Variants in LHPP observed in about 807,000 individuals in gnomAD.
The protein encoded by LHPP is hLHPP.
Under a neutral mutation model 30.3 loss-of-function variants are expected in LHPP, and 24 were observed. That is an observed-to-expected ratio of 0.79 (90% CI 0.57 to 1.11). The LOEUF is 1.11. Ranked by LOEUF, LHPP falls within the 50% of genes most tolerant of loss-of-function variation. LHPP has a pLI of 0.00. For missense variants in LHPP, 356 were observed against 367.2 expected (o/e 0.97, Z 0.25); for synonymous variants, 150 against 157.1 (o/e 0.95, Z 0.34).
chr10:124,490,851 A>C (rs904790850), intron 3 of LHPP, among the ~76,000 whole-genome samples: 1 of 152,154 alleles, frequency 6.6e-6, no homozygotes, highest in African/African-American at 2.4e-5. Context: ...CACAACCTAG[A>C]GTTCTGGAAT....
chr10:124,529,046 T>A (rs113897842), intron 6 of LHPP, among the ~76,000 whole-genome samples: 1 of 108,166 alleles, frequency 9.2e-6, no homozygotes, highest in Non-Finnish European at 1.8e-5. Context: ...TTTTTTTTTT[T>A]TTTGAGACAG....
At chr10:124,603,056 T>TG (rs147092753) in intron 6 of LHPP, among the ~76,000 whole-genome samples, 89,452 of 151,992 alleles carry the variant, frequency 0.59, 26,496 homozygotes, top group East Asian at 0.68. Flanking sequence ...GTACTGGGGC[T>TG]GGGCCAGGCC....
rs180847169 is a variant in LHPP, at chr10:124,541,478, G to A, written c.716+24207G>A. ...AGCCTCTGCTAGCCCCAGACCTAAC[G>A]GAGTTGCGGCTCATGGCCACCCTGA... On this transcript the variant is annotated intron_variant, in intron 6 of 6. Transcript: ENST00000368842. This position sits in a 1 kb window ranked among gnomAD's most constrained non-coding sequence, Gnocchi z 4.2. 8.5e-5 allele frequency among the ~76,000 whole-genome samples: 13 copies of A among 152,262 alleles called. No individual in the cohort carries two copies. In the East Asian group the frequency reaches 2.5e-3, roughly 29 times the overall value.
At chr10:124,483,981 A>G (rs1953230853) in intron 1 of LHPP, among the ~76,000 whole-genome samples, 158 bp from the exon 2 acceptor site, 1 of 152,062 alleles carries the variant, frequency 6.6e-6, no homozygotes, top group African/African-American at 2.4e-5. Flanking sequence ...TCCCAGCCTG[A>G]ACACATCCTG....
At chr10:124,527,144 C>G (rs911604539) in intron 6 of LHPP, among the ~76,000 whole-genome samples, 1 of 152,252 alleles carries the variant, frequency 6.6e-6, no homozygotes, top group Non-Finnish European at 1.5e-5. Context: ...CGCTGCTGCT[C>G]TGCGGCTCGG....
At chr10:124,529,784 A>G (rs4391774) in intron 6 of LHPP, among the ~76,000 whole-genome samples, 79,134 of 149,442 alleles carry the variant, frequency 0.53, 21,377 homozygotes, top group South Asian at 0.69. Context: ...CCTAGACACC[A>G]GCTCATGCAC....
At chr10:124,582,252 T>C (rs896835059) in intron 6 of LHPP, among the ~76,000 whole-genome samples, 1 of 152,170 alleles carries the variant, frequency 6.6e-6, no homozygotes, top group African/African-American at 2.4e-5. Flanking sequence ...GGTGAATTTT[T>C]ATTTTTATTT....
intron 6 of LHPP, among the ~76,000 whole-genome samples, chr10:124,555,596 A>G (rs1948284433): frequency 6.6e-6 from 1 of 152,150 alleles, no homozygotes; most frequent in Non-Finnish European, 1.5e-5. Context: ...GGGCACCTGT[A>G]GGGCTGGCCT....
At chr10:124,486,442 G>A (rs2361624) in intron 2 of LHPP, among the ~76,000 whole-genome samples, 57,639 of 152,172 alleles carry the variant, frequency 0.38, 11,852 homozygotes, top group East Asian at 0.61. Context: ...CTTAGAAAAG[G>A]TATTACACTC....
At chr10:124,498,313 G>T in intron 5 of LHPP, 185 bp downstream of exon 5, 1 of 1,578,592 alleles carries the variant, frequency 6.3e-7, no homozygotes. Flanking sequence ...CCACTGAATA[G>T]TTTCAACCGT....
At chr10:124,516,155 C>A (rs534551415) in intron 5 of LHPP, among the ~76,000 whole-genome samples, 1 of 152,340 alleles carries the variant, frequency 6.6e-6, no homozygotes, top group African/African-American at 2.4e-5. Flanking sequence ...TCTCACTGTT[C>A]TGGAGGCTTG....
At chr10:124,470,430 C>T (rs780909856) in intron 1 of LHPP, among the ~76,000 whole-genome samples, 1 of 152,078 alleles carries the variant, frequency 6.6e-6, no homozygotes. Flanking sequence ...ACAGCCCTTC[C>T]GTCCAGTAGC....
chr10:124,605,053 G>A (rs975721049), intron 6 of LHPP: 5 of 152,568 alleles, frequency 3.3e-5, no homozygotes, highest in Non-Finnish European at 5.9e-5. Flanking sequence ...TGGAGGAGGC[G>A]GCAGGGAGAC....
At chr10:124,470,678 C>CAATAAT (rs1203506721) in intron 1 of LHPP, among the ~76,000 whole-genome samples, 42 of 114,338 alleles carry the variant, frequency 3.7e-4, no homozygotes, top group Admixed American at 8.3e-4. Context: ...ACAACAACAA[C>CAATAAT]AACAATAATA....
intron 6 of LHPP, among the ~76,000 whole-genome samples, chr10:124,568,878 C>T (rs1196236085): frequency 1.3e-5 from 2 of 152,208 alleles, no homozygotes; most frequent in Non-Finnish European, 2.9e-5. Flanking sequence ...GAGCAGGTGC[C>T]TGGGGACACT....
chr10:124,579,140 C>G (rs548213543), intron 6 of LHPP, among the ~76,000 whole-genome samples: 5 of 152,304 alleles, frequency 3.3e-5, no homozygotes, highest in African/African-American at 1.2e-4. Flanking sequence ...GTGTGTATCT[C>G]ATATTCCCCA....
chr10:124,570,761 G>A (rs1019480420), intron 6 of LHPP, among the ~76,000 whole-genome samples: 3 of 152,194 alleles, frequency 2.0e-5, no homozygotes, highest in African/African-American at 7.2e-5. Context: ...TTTGCTTAAT[G>A]TCTTGACCGT....
intron 6 of LHPP, among the ~76,000 whole-genome samples, chr10:124,582,440 T>C (rs1948754788): frequency 6.6e-6 from 1 of 152,060 alleles, no homozygotes; most frequent in South Asian, 2.1e-4. Flanking sequence ...GTTGTAAGAG[T>C]TGTTTATATA....
At position 124,523,403 on chromosome 10, in the gene LHPP, G is replaced by A. The variant is rs531949506; in HGVS notation, c.716+6132G>A. Among the ~76,000 whole-genome samples the A allele has an allele frequency of 9.2e-5, 14 of 152,318 alleles. No homozygotes were observed. Among genetic ancestry groups the A allele is most frequent in the South Asian group, 8.3e-4 (4 of 4,830 alleles). On this transcript the variant is annotated intron_variant, in intron 6 of 6. Coordinates refer to ENST00000368842, the MANE Select transcript of LHPP (RefSeq NM_022126.4). This position sits in a 1 kb window ranked among gnomAD's most constrained non-coding sequence, Gnocchi z 4.2. ...GCATGGCTGTGGAGCTGGCTGCGTC[G>A]GGAGGGAGAGTGCCCCCACGCCTGG... is the stretch of plus-strand genomic sequence containing the variant.
Sources: allele counts gnomAD v4.1 joint callset (sites outside exome capture counted in the v4.1 genomes callset), GRCh38; gene constraint gnomAD v4.1.1; non-coding constraint Gnocchi (gnomAD v3.1); transcripts MANE v1.5; gene names NCBI Gene and HGNC (gene_info 2026-07-23, HGNC 2026-07-21).